VPS36: variants seen among roughly 807,000 people sequenced by gnomAD.
VPS36 encodes the protein vacuolar protein sorting 36 homolog.
In VPS36, 31 loss-of-function variants were observed where a neutral mutation model predicts 63.5. The observed-to-expected ratio is 0.49, with a 90% confidence interval of 0.37 to 0.66. The LOEUF (loss-of-function observed/expected upper bound fraction) is 0.66. Among genes scored for constraint, VPS36 ranks in the 30% least tolerant of loss-of-function variants. The pLI is 0.00. For missense variants in VPS36, 338 were observed against 463.7 expected, an observed-to-expected ratio of 0.73 and a Z score of 2.49; for synonymous variants, 138 against 157.2, an observed-to-expected ratio of 0.88 and a Z score of 0.91.
intron 4 of VPS36, 105 bp from the exon 5 acceptor site, chr13:52,434,987 T>TC (rs1958199779): frequency 2.7e-6 from 3 of 1,093,170 alleles, no homozygotes; most frequent in Non-Finnish European, 3.8e-6. Flanking sequence ...TTTTTTTTTT[T>TC]TGAGGTGGAG....
chr13:52,417,242 A>T, intron 11 of VPS36, 101 bp from the exon 12 acceptor site: 7 of 926,634 alleles, frequency 7.6e-6, no homozygotes, highest in African/African-American at 1.6e-5. Flanking sequence ...CCCAGATATG[A>T]GGGCAATATT....
intron 6 of VPS36, among the ~76,000 whole-genome samples, chr13:52,432,241 C>T (rs1958166724): frequency 6.6e-6 from 1 of 151,942 alleles, no homozygotes; most frequent in South Asian, 2.1e-4. Flanking sequence ...GGCCCAGCTA[C>T]TCGGGAGGCT....
chr13:52,441,305 G>A (rs545222592), intron 2 of VPS36, among the ~76,000 whole-genome samples: 1 of 152,156 alleles, frequency 6.6e-6, no homozygotes, highest in Admixed American at 6.5e-5. Flanking sequence ...ATTTCACAGG[G>A]GTCTGGGGGA....
chr13:52,419,055 G>A (rs1958021084), intron 10 of VPS36, among the ~76,000 whole-genome samples: 1 of 152,230 alleles, frequency 6.6e-6, no homozygotes, highest in Non-Finnish European at 1.5e-5. Flanking sequence ...GTTATTGGGA[G>A]GATAAATGAG....
intron 12 of VPS36, 125 bp downstream of exon 12, chr13:52,416,932 T>G (rs1472276260): frequency 1.3e-6 from 1 of 744,432 alleles, no homozygotes; most frequent in Non-Finnish European, 2.2e-6. Context: ...CCATTTTTAT[T>G]TGGGTGTGTG....
chr13:52,441,319 A>C (rs61959663), intron 2 of VPS36, among the ~76,000 whole-genome samples: 6,035 of 152,258 alleles, frequency 0.04, 135 homozygotes, highest in South Asian at 0.07. Flanking sequence ...TGGGGGAACA[A>C]TCAGGAAAAT....
chr13:52,450,372 G>T (rs963025946), intron 1 of VPS36, 127 bp downstream of exon 1: 26 of 1,238,162 alleles, frequency 2.1e-5, no homozygotes, highest in Non-Finnish European at 2.6e-5. Context: ...GAGGCCTGCC[G>T]GGCCGCCGAG....
chr13:52,423,241 T>C (rs1324141065), intron 10 of VPS36, among the ~76,000 whole-genome samples: 3 of 152,132 alleles, frequency 2.0e-5, no homozygotes, highest in African/African-American at 7.2e-5. Flanking sequence ...TGAAACACCA[T>C]ATAGTACCCC....
intron 1 of VPS36, among the ~76,000 whole-genome samples, chr13:52,447,431 A>G (rs1958355615): frequency 6.6e-6 from 1 of 152,186 alleles, no homozygotes; most frequent in African/African-American, 2.4e-5. Context: ...CTAACCTTAC[A>G]TTATTTTTTA....
intron 1 of VPS36, chr13:52,450,001 A>G: frequency 1.0e-6 from 1 of 985,912 alleles, no homozygotes; most frequent in Non-Finnish European, 1.2e-6. Flanking sequence ...CCGACTGCAT[A>G]AGGTCCAAGC....
intron 10 of VPS36, among the ~76,000 whole-genome samples, chr13:52,420,118 G>A (rs1462401015): frequency 2.6e-5 from 4 of 151,400 alleles, no homozygotes; most frequent in Admixed American, 6.6e-5. Context: ...GCCGTCGCCT[G>A]TAATTCCCAG....
intron 9 of VPS36, among the ~76,000 whole-genome samples, chr13:52,424,854 G>C (rs563029513): frequency 1.3e-5 from 2 of 152,086 alleles, no homozygotes; most frequent in African/African-American, 2.4e-5. Flanking sequence ...TGGGCGTGGT[G>C]GTGGGCGCCT....
chr13:52,442,262 G>T, intron 2 of VPS36, 115 bp downstream of exon 2: 1 of 877,328 alleles, frequency 1.1e-6, no homozygotes, highest in Non-Finnish European at 1.6e-6. Flanking sequence ...GAGGCCAGGA[G>T]AATCACTTGA....
chr13:52,436,340 T>C lies in VPS36; in HGVS notation c.301A>G (p.Ser101Gly). 6.2e-7 allele frequency: 1 copy of C among 1,613,432 alleles called. No homozygotes were observed. Among genetic ancestry groups the C allele is most frequent in the East Asian group, 2.2e-5 (1 of 44,856 alleles). The change falls in exon 4 of 14, where the codon AGT (serine) becomes GGT (glycine). Residue 101 changes from serine (S) to glycine (G), a missense_variant. Coordinates refer to ENST00000378060, the MANE Select transcript of VPS36 (RefSeq NM_016075.4). ...PNKEPGPFQS[S>G]KNSYIKLSFK... ...GAGAGTTTGATGTAGGAGTTCTTAC[T>C]ACTCTGGAATGGGCCAGGTTCTTTG...
intron 11 of VPS36, 33 bp downstream of exon 11, chr13:52,417,959 C>T (rs1594111411): frequency 4.4e-6 from 7 of 1,600,240 alleles, no homozygotes; most frequent in Middle Eastern, 1.7e-4. Flanking sequence ...ATCATGGTTG[C>T]AGGTGGCAAA....
intron 11 of VPS36, 142 bp from the exon 12 acceptor site, chr13:52,417,283 C>G: frequency 1.6e-6 from 1 of 619,462 alleles, no homozygotes; most frequent in South Asian, 2.3e-5. Context: ...CATATCAAAC[C>G]CAAGCAACAA....
At chr13:52,445,533 G>A (rs945246689) in intron 1 of VPS36, among the ~76,000 whole-genome samples, 3 of 149,894 alleles carry the variant, frequency 2.0e-5, no homozygotes, top group African/African-American at 4.9e-5. Flanking sequence ...CAGCTATTCC[G>A]GAGGCTGAGG....
intron 10 of VPS36, among the ~76,000 whole-genome samples, chr13:52,422,128 C>T (rs1319885956): frequency 6.6e-6 from 1 of 152,114 alleles, no homozygotes; most frequent in Admixed American, 6.5e-5. Flanking sequence ...ACTTATACAC[C>T]TTTCCCAGTC....
In VPS36 at chr13:52,425,275, A is replaced by G. The variant is rs1450990516; in HGVS notation, c.774+657T>C. On this transcript the variant is annotated intron_variant, in intron 9 of 13. Coordinates refer to ENST00000378060, the MANE Select transcript of VPS36 (RefSeq NM_016075.4). ...CTCAAAAAAAAAAAAAAAAAAGAAA[A>G]TGTGAACACTAGATATTAGATAACA... 3.9e-5 allele frequency among the ~76,000 whole-genome samples: 6 copies of G among 152,078 alleles called. No individual in the cohort carries two copies. The South Asian group carries it at 1.0e-3, about 26-fold the overall frequency.
Sources: gnomAD v4.1 joint callset for allele counts (sites outside exome capture counted in the v4.1 genomes callset) on GRCh38, gnomAD v4.1.1 for gene constraint, MANE v1.5 for transcripts, NCBI Gene and HGNC (gene_info 2026-07-23, HGNC 2026-07-21) for gene names.